Variants in AFAP1 observed in about 807,000 individuals in gnomAD.
AFAP1 encodes actin filament associated protein 1.
Under a neutral mutation model 93.9 loss-of-function variants are expected in AFAP1, and 75 were observed. The ratio of observed to expected loss-of-function variants is 0.80; its 90% CI spans 0.66 to 0.97. The LOEUF is 0.97. Ranked by LOEUF, AFAP1 falls within the 50% of genes least tolerant of loss-of-function variation. The pLI, the probability that AFAP1 is intolerant of heterozygous loss-of-function variation, is 0.00. For missense variants in AFAP1, 1,201 were observed against 1,050.8 expected (o/e 1.14, Z -1.98); for synonymous variants, 517 against 430.7 (o/e 1.20, Z -2.48).
intron 12 of AFAP1, 45 bp downstream of exon 12, chr4:7,786,149 G>C: frequency 1.9e-6 from 3 of 1,552,368 alleles, no homozygotes; most frequent in Non-Finnish European, 2.7e-6. Context: ...TCACAGCCTC[G>C]GCCTCTAACA....
intron 4 of AFAP1, among the ~76,000 whole-genome samples, chr4:7,848,076 G>A (rs1274822948): frequency 6.9e-6 from 1 of 145,870 alleles, no homozygotes; most frequent in Non-Finnish European, 1.5e-5. Flanking sequence ...TGAGTGGGTG[G>A]ACGGAAGGAG....
intron 1 of AFAP1, among the ~76,000 whole-genome samples, chr4:7,888,327 T>C (rs770456581): frequency 2.0e-5 from 3 of 152,216 alleles, no homozygotes; most frequent in South Asian, 4.1e-4. Context: ...CCTTCTGTTA[T>C]AAATACACTT....
intron 4 of AFAP1, among the ~76,000 whole-genome samples, chr4:7,846,389 G>A (rs1177319202): frequency 6.6e-6 from 1 of 152,246 alleles, no homozygotes; most frequent in Non-Finnish European, 1.5e-5. Flanking sequence ...TATGGAACGA[G>A]AAGATGGGCA....
chr4:7,883,989 A>G (rs1316747490), intron 1 of AFAP1, among the ~76,000 whole-genome samples: 2 of 152,104 alleles, frequency 1.3e-5, no homozygotes, highest in Admixed American at 6.6e-5. Context: ...AGTGTTGGGG[A>G]TGGGGCCTGG....
At chr4:7,829,008 T>C (rs575877875) in intron 6 of AFAP1, among the ~76,000 whole-genome samples, 18 of 152,330 alleles carry the variant, frequency 1.2e-4, no homozygotes, top group South Asian at 2.1e-4. Flanking sequence ...TGATAGTTAC[T>C]GAGCTCTCAG....
At chr4:7,895,275 G>T (rs1718699588) in intron 1 of AFAP1, among the ~76,000 whole-genome samples, 1 of 152,230 alleles carries the variant, frequency 6.6e-6, no homozygotes, top group Admixed American at 6.5e-5. Context: ...TCAGAGGCTT[G>T]TCGGTCAGTT....
intron 11 of AFAP1, among the ~76,000 whole-genome samples, chr4:7,792,004 A>T (rs547692745): frequency 1.6e-4 from 25 of 152,324 alleles, no homozygotes; most frequent in African/African-American, 6.0e-4. Context: ...GTTAATGTCC[A>T]GCTTAATAGA....
intron 10 of AFAP1, among the ~76,000 whole-genome samples, chr4:7,798,748 A>C (rs969895658): frequency 5.9e-5 from 9 of 152,144 alleles, no homozygotes; most frequent in African/African-American, 2.2e-4. Context: ...TCTCTCCAGG[A>C]CTCGGGGCAC....
At chr4:7,784,868 G>A (rs1446249465) in intron 12 of AFAP1, among the ~76,000 whole-genome samples, 4 of 152,144 alleles carry the variant, frequency 2.6e-5, no homozygotes, top group Non-Finnish European at 2.9e-5. Context: ...ATGAATTTAC[G>A]ATGCCAGGGC....
In AFAP1 at chr4:7,838,643, T is replaced by A. The variant is rs1420584426; in HGVS notation, c.607A>T (p.Ile203Phe). The A allele has an allele frequency of 6.2e-7, 1 of 1,614,168 alleles. No homozygotes were observed. Among genetic ancestry groups the A allele is most frequent in the South Asian group, 1.1e-5 (1 of 91,076 alleles). Residue 203 changes from isoleucine (I) to phenylalanine (F), a missense_variant, in exon 6 of 18, where the codon ATT (isoleucine) becomes TTT (phenylalanine). Transcript: ENST00000420658. ...TTGCTGTCTTTCGGGATGTACGTAA[T>A]GTTACAGCCTTGGAGTGGCAGTTCC... is the stretch of plus-strand genomic sequence containing the variant. ...QMELPLQGCN[I>F]TYIPKDSKKK...
chr4:7,884,855 G>A (rs1718054688), intron 1 of AFAP1, among the ~76,000 whole-genome samples: 1 of 152,200 alleles, frequency 6.6e-6, no homozygotes, highest in African/African-American at 2.4e-5. Flanking sequence ...TGAGCTCCTG[G>A]AGAATGACAA....
chr4:7,872,965 T>G (rs1447651601), intron 1 of AFAP1, among the ~76,000 whole-genome samples: 1 of 145,248 alleles, frequency 6.9e-6, no homozygotes, highest in East Asian at 2.1e-4. Context: ...AAAAAACTAC[T>G]TGGGCTGGGC....
At chr4:7,777,035 T>C (rs1305774327) in intron 14 of AFAP1, 1 of 151,994 alleles carries the variant, frequency 6.6e-6, no homozygotes, top group East Asian at 1.9e-4. Flanking sequence ...GAACATCCCA[T>C]AAAATAAAGG....
intron 10 of AFAP1, among the ~76,000 whole-genome samples, chr4:7,795,833 T>C (rs946233333): frequency 6.6e-6 from 1 of 152,202 alleles, no homozygotes; most frequent in South Asian, 2.1e-4. Flanking sequence ...ATTGATATTA[T>C]TACTTTAGAG....
intron 3 of AFAP1, among the ~76,000 whole-genome samples, chr4:7,857,337 C>T (rs1205708564): frequency 6.6e-6 from 1 of 152,146 alleles, no homozygotes; most frequent in Non-Finnish European, 1.5e-5. Flanking sequence ...ACTAATCACC[C>T]ACTGCAGATT....
chr4:7,792,234 T>C (rs1434468493), intron 11 of AFAP1, among the ~76,000 whole-genome samples: 1 of 152,182 alleles, frequency 6.6e-6, no homozygotes, highest in Non-Finnish European at 1.5e-5. Flanking sequence ...GGAAAGCAGA[T>C]CAATCGACTC....
At chr4:7,874,415 G>A (rs568689889) in intron 1 of AFAP1, among the ~76,000 whole-genome samples, 4 of 143,080 alleles carry the variant, frequency 2.8e-5, no homozygotes, top group African/African-American at 7.9e-5. Context: ...CCAGGCTGGA[G>A]TGCAGTGGTG....
At chr4:7,843,092 G>C in intron 5 of AFAP1, 47 bp downstream of exon 5, 1 of 1,586,616 alleles carries the variant, frequency 6.3e-7, no homozygotes. Context: ...CATGGCTTCT[G>C]AGTGCAGCAA....
intron 1 of AFAP1, among the ~76,000 whole-genome samples, chr4:7,902,929 G>A (rs1305109727): frequency 1.3e-5 from 2 of 152,220 alleles, no homozygotes; most frequent in Admixed American, 6.5e-5. Context: ...ACACACCTAT[G>A]TGAAAAGCTA....
Sources: gnomAD v4.1 joint callset for allele counts (sites outside exome capture counted in the v4.1 genomes callset) on GRCh38, gnomAD v4.1.1 for gene constraint, MANE v1.5 for transcripts, NCBI Gene and HGNC (gene_info 2026-07-23, HGNC 2026-07-21) for gene names.